The following GPHN variants were observed in gnomAD, a reference collection of about 807,000 sequenced individuals.
The protein encoded by GPHN is gephyrin.
A neutral mutation model predicts 95.5 loss-of-function variants in GPHN; 17 were observed. The observed-to-expected ratio is 0.18, with a 90% CI of 0.12 to 0.27. The LOEUF is 0.27. Among genes scored for constraint, GPHN ranks in the 10% least tolerant of loss-of-function variants. GPHN has a pLI of 1.00. For missense variants in GPHN, 660 were observed against 978.1 expected (o/e 0.67, Z 4.34); for synonymous variants, 320 against 322.5 (o/e 0.99, Z 0.08).
the GPHN span, chr14:67,581,908 A>G: frequency 9.1e-6 from 6 of 660,878 alleles, no homozygotes; most frequent in Admixed American, 1.7e-4. Context: ...GCTCTGTGTC[A>G]TACTCGGTTA....
chr14:67,126,006 G>A (rs2079290280), intron 17 of GPHN, among the ~76,000 whole-genome samples: 1 of 152,030 alleles, frequency 6.6e-6, no homozygotes, highest in South Asian at 2.1e-4. Flanking sequence ...GGACTAAATG[G>A]CCTTTGCTTA....
At chr14:66,724,020 C>CAA (rs2070999896) in intron 2 of GPHN, among the ~76,000 whole-genome samples, 1 of 151,086 alleles carries the variant, frequency 6.6e-6, no homozygotes, top group Admixed American at 6.6e-5. Context: ...CACACACACA[C>CAA]AAACAGATTC....
At chr14:66,584,829 G>A (rs1433096418) in intron 1 of GPHN, among the ~76,000 whole-genome samples, 1 of 152,066 alleles carries the variant, frequency 6.6e-6, no homozygotes, top group East Asian at 1.9e-4. Context: ...TGTTCATCAA[G>A]GATATTGGTC....
At chr14:66,846,124 T>A (rs1425234612) in intron 4 of GPHN, among the ~76,000 whole-genome samples, 1 of 152,190 alleles carries the variant, frequency 6.6e-6, no homozygotes, top group East Asian at 1.9e-4. Flanking sequence ...TGTTAGGTGA[T>A]AAGTTCTCAT....
chr14:66,758,065 G>A (rs1287126376), intron 2 of GPHN, among the ~76,000 whole-genome samples: 1 of 152,112 alleles, frequency 6.6e-6, no homozygotes, highest in Non-Finnish European at 1.5e-5. Flanking sequence ...TTGTGATTAT[G>A]CAAAAAAGGT....
intron 3 of GPHN, among the ~76,000 whole-genome samples, chr14:66,807,478 G>C (rs1314798327): frequency 6.6e-6 from 1 of 152,194 alleles, no homozygotes; most frequent in Non-Finnish European, 1.5e-5. Context: ...ATAATAGTGA[G>C]AGTTAATAGT....
intron 1 of GPHN, among the ~76,000 whole-genome samples, chr14:66,614,538 A>G (rs988646887): frequency 6.6e-6 from 1 of 150,668 alleles, no homozygotes; most frequent in Non-Finnish European, 1.5e-5. Flanking sequence ...ATGTTATTTG[A>G]TATTAATAGT....
chr14:67,351,748 T>G, the GPHN span, among the ~76,000 whole-genome samples: 11 of 152,200 alleles, frequency 7.2e-5, no homozygotes, highest in African/African-American at 2.2e-4. Flanking sequence ...CTCAAATTCC[T>G]GGGCTCAAAC....
chr14:66,638,197 G>T (rs2064204147), intron 1 of GPHN, among the ~76,000 whole-genome samples: 1 of 152,060 alleles, frequency 6.6e-6, no homozygotes, highest in African/African-American at 2.4e-5. Context: ...TAAATAGGGG[G>T]CTGAGGTGGG....
At chr14:67,374,843 A>T in the GPHN span, among the ~76,000 whole-genome samples, 5 of 152,146 alleles carry the variant, frequency 3.3e-5, no homozygotes, top group Non-Finnish European at 7.3e-5. Flanking sequence ...GCTTCAAGTG[A>T]TCCTTGAGCC....
At chr14:67,007,422 T>C (rs899450940) in intron 9 of GPHN, among the ~76,000 whole-genome samples, 2 of 152,236 alleles carry the variant, frequency 1.3e-5, no homozygotes, top group Non-Finnish European at 2.9e-5. Context: ...GACCAGCAGC[T>C]CTGGATCATC....
chr14:66,601,477 G>A (rs919277257), intron 1 of GPHN, among the ~76,000 whole-genome samples: 3 of 151,852 alleles, frequency 2.0e-5, no homozygotes, highest in Non-Finnish European at 4.4e-5. Context: ...GGAAAGTGAT[G>A]GTGAAGGGGC....
chr14:66,751,349 G>C (rs2058356713), intron 2 of GPHN, among the ~76,000 whole-genome samples: 1 of 151,924 alleles, frequency 6.6e-6, no homozygotes, highest in South Asian at 2.1e-4. Flanking sequence ...AACCTCACCA[G>C]CATCTGTTAT....
At chr14:66,681,404 A>C (rs1407788615) in intron 2 of GPHN, among the ~76,000 whole-genome samples, 1 of 152,188 alleles carries the variant, frequency 6.6e-6, no homozygotes, top group Non-Finnish European at 1.5e-5. Context: ...TCAAGGAGGA[A>C]TCCTGATGGC....
At chr14:67,015,044 T>G (rs1161568908) in intron 9 of GPHN, among the ~76,000 whole-genome samples, 2 of 152,234 alleles carry the variant, frequency 1.3e-5, no homozygotes, top group Admixed American at 6.5e-5. Context: ...TAACCAGTTC[T>G]AAAGAATAGA....
chr14:66,608,446 A>C (rs1043293655), intron 1 of GPHN, among the ~76,000 whole-genome samples: 13 of 152,128 alleles, frequency 8.5e-5, no homozygotes, highest in Admixed American at 2.6e-4. Flanking sequence ...TGCAGATGAG[A>C]GAAATGTATA....
the GPHN span, among the ~76,000 whole-genome samples, chr14:67,212,899 AG>A: frequency 0.077 from 11,607 of 151,090 alleles, 1,034 homozygotes; most frequent in African/African-American, 0.22. Flanking sequence ...ACAAGTGCCA[AG>A]ACATTCAAAG....
chr14:66,952,731 A>G (rs1447639101), intron 8 of GPHN, among the ~76,000 whole-genome samples: 1 of 152,010 alleles, frequency 6.6e-6, no homozygotes, highest in Non-Finnish European at 1.5e-5. Flanking sequence ...GTCTCGCACT[A>G]TCGCCCAGGC....
At chr14:67,642,459 T>C in the GPHN span, 5 of 1,381,440 alleles carry the variant, frequency 3.6e-6, no homozygotes, top group South Asian at 5.5e-5. Flanking sequence ...TGGAGAAAAA[T>C]ACCCTACAGA....
Sources: gnomAD v4.1 joint callset for allele counts (sites outside exome capture counted in the v4.1 genomes callset) on GRCh38, gnomAD v4.1.1 for gene constraint, MANE v1.5 for transcripts, NCBI Gene and HGNC (gene_info 2026-07-23, HGNC 2026-07-21) for gene names.